TTC7B: variants seen among roughly 807,000 people sequenced by gnomAD.
TTC7B encodes tetratricopeptide repeat protein 7B.
Under a neutral mutation model 106.8 loss-of-function variants are expected in TTC7B, and 28 were observed. The observed-to-expected ratio is 0.26, with a 90% CI of 0.19 to 0.36. TTC7B has a LOEUF of 0.36. TTC7B is among the 10% of genes least tolerant of loss of function. TTC7B has a pLI of 1.00. For synonymous variants in TTC7B, 405 were observed against 430.6 expected, an observed-to-expected ratio of 0.94 and a Z score of 0.74; for missense variants, 862 against 1,076.4, an observed-to-expected ratio of 0.80 and a Z score of 2.79.
At chr14:90,582,271 C>T (rs1891528445) in intron 18 of TTC7B, among the ~76,000 whole-genome samples, 1 of 152,234 alleles carries the variant, frequency 6.6e-6, no homozygotes, top group Non-Finnish European at 1.5e-5. Flanking sequence ...AATTTGCAAG[C>T]CACAGTGTCA....
rs34296215 is a variant in TTC7B, at chr14:90,780,470, A to AAAAGAAAGAAAGAAAGAAAG, written c.445+248_445+267dup. Among the ~76,000 whole-genome samples the AAAAGAAAGAAAGAAAGAAAG allele has an allele frequency of 6.0e-3, 872 of 146,452 alleles. 17 individuals carry two copies. The highest frequency in any genetic ancestry group is 0.02 in the African/African-American group (774 of 38,018). ...AGGAAAGAAAAGAAAGAAAGAAAGA[A>AAAAGAAAGAAAGAAAGAAAG]AAAGAAAGAAAGAAAGAAAGGAAAG... On this transcript the variant is annotated intron_variant, in intron 3 of 19. Transcript: ENST00000328459.
intron 9 of TTC7B, among the ~76,000 whole-genome samples, chr14:90,674,369 TACA>T (rs1441935180): frequency 6.6e-6 from 1 of 152,244 alleles, no homozygotes; most frequent in African/African-American, 2.4e-5. Flanking sequence ...ATCTTTCTCC[TACA>T]ACATCGACCG....
At chr14:90,574,083 G>A (rs1891158862) in intron 19 of TTC7B, among the ~76,000 whole-genome samples, 1 of 152,178 alleles carries the variant, frequency 6.6e-6, no homozygotes, top group African/African-American at 2.4e-5. Context: ...GACTGTCCAG[G>A]GATGCTGGTT....
rs371267715 is a variant in TTC7B, at chr14:90,790,288, C to T, written c.122-3960G>A. ...CATTGAGCAAAATTCTTTTATATCA[C>T]TTTTAGAAAAAAAAAAAAGTAACTC... On this transcript the variant is annotated intron_variant, in intron 1 of 19. Coordinates refer to ENST00000328459, the MANE Select transcript of TTC7B (RefSeq NM_001010854.2). Among the ~76,000 whole-genome samples, 258 of 149,322 alleles carry T rather than the reference C, an allele frequency of 1.7e-3. 3 individuals are homozygous for T. Among genetic ancestry groups the T allele is most frequent in the African/African-American group, 5.6e-3 (228 of 40,618 alleles).
At chr14:90,591,290 G>A (rs1816134553) in intron 18 of TTC7B, among the ~76,000 whole-genome samples, 1 of 152,186 alleles carries the variant, frequency 6.6e-6, no homozygotes. Context: ...GCAGTAAGCT[G>A]AGATCACACC....
rs180870986 is a variant in TTC7B, at chr14:90,624,629, C to G, written c.1752-6584G>C. On this transcript the variant is annotated intron_variant, in intron 15 of 19. Transcript: ENST00000328459. This position sits in a 1 kb window ranked among gnomAD's most constrained non-coding sequence, Gnocchi z 4.0. ...AATTCTGAGCCGTCCGAAGAACTCT[C>G]GATGAAAATAAGTTAGAGAAGTTCA... 6.6e-6 allele frequency among the ~76,000 whole-genome samples: 1 copy of G among 152,234 alleles called. No individual in the cohort carries two copies. The highest frequency in any genetic ancestry group is 2.4e-5 in the African/African-American group (1 of 41,540).
chr14:90,789,902 A>AGGTCAG, intron 1 of TTC7B, among the ~76,000 whole-genome samples: 1 of 142,082 alleles, frequency 7.0e-6, no homozygotes, highest in South Asian at 2.2e-4. Flanking sequence ...TCTCAAAAAA[A>AGGTCAG]AAAAAAAAAA....
At chr14:90,542,178 A>T (rs1889627698) in intron 19 of TTC7B, among the ~76,000 whole-genome samples, 2 of 152,042 alleles carry the variant, frequency 1.3e-5, no homozygotes, top group South Asian at 4.1e-4. Context: ...TGACCTCGTG[A>T]TCTGCCCACC....
At chr14:90,706,381 T>C (rs1219472190) in intron 5 of TTC7B, among the ~76,000 whole-genome samples, 2 of 152,100 alleles carry the variant, frequency 1.3e-5, no homozygotes, top group East Asian at 3.9e-4. Context: ...ACCAGGATGG[T>C]CTCGATCTCC....
In TTC7B at chr14:90,607,624, C is replaced by T. The variant is rs554776697; in HGVS notation, c.1966+3118G>A. ...CAAAGTCAGCCAGGCTCTTTTAGCA[C>T]ATGAACTGAAAACTGTTCAAAGGCA... On this transcript the variant is annotated intron_variant, in intron 17 of 19. Transcript: ENST00000328459. Among the ~76,000 whole-genome samples, 3 of 152,306 alleles carry T rather than the reference C, an allele frequency of 2.0e-5. No individual in the cohort carries two copies. The South Asian group carries it at 6.2e-4, about 32-fold the overall frequency.
At chr14:90,669,702 A>G (rs193088345) in intron 9 of TTC7B, among the ~76,000 whole-genome samples, 8 of 152,334 alleles carry the variant, frequency 5.3e-5, no homozygotes, top group African/African-American at 1.7e-4. Flanking sequence ...GTTATCAGGG[A>G]AAAGAAAATC....
At chr14:90,698,859 G>A (rs1887870500) in intron 5 of TTC7B, 1 of 275,970 alleles carries the variant, frequency 3.6e-6, no homozygotes, top group Admixed American at 5.1e-5. Flanking sequence ...GAGTCCCACA[G>A]CCTTGCTCTC....
intron 3 of TTC7B, chr14:90,766,607 C>T (rs1402812614): frequency 5.4e-6 from 5 of 920,906 alleles, no homozygotes; most frequent in Non-Finnish European, 7.2e-6. Context: ...CAGTGGAAAA[C>T]AGCCTTTACC....
intron 3 of TTC7B, among the ~76,000 whole-genome samples, chr14:90,751,211 A>C (rs766754291): frequency 9.9e-5 from 15 of 152,236 alleles, no homozygotes; most frequent in Non-Finnish European, 1.8e-4. Context: ...AAAGGGTGGA[A>C]ATTCAGTGCT....
At chr14:90,812,544 C>T (rs1158569453) in intron 1 of TTC7B, among the ~76,000 whole-genome samples, 1 of 152,146 alleles carries the variant, frequency 6.6e-6, no homozygotes. Context: ...GCATTTCTCA[C>T]AGGTTCCCGG....
At chr14:90,666,320 C>A (rs1886408844) in intron 9 of TTC7B, among the ~76,000 whole-genome samples, 1 of 152,166 alleles carries the variant, frequency 6.6e-6, no homozygotes, top group African/African-American at 2.4e-5. Context: ...CGCCACCACG[C>A]CTGGCTAATT....
At position 90,525,787 on chromosome 14, in the gene TTC7B, T is replaced by G. The variant is rs1393614684; in HGVS notation, c.*15581A>C. On this transcript the variant is annotated 3_prime_UTR_variant, in exon 20 of 20. Transcript: ENST00000328459. ...CGACAAAGGCCCTCTCTAACCCGAG[T>G]ACACCGGCCTCTGGCTTTGTGACAA... is the stretch of plus-strand genomic sequence containing the variant. 2 of 147,014 alleles carry G rather than the reference T, an allele frequency of 1.4e-5. No homozygotes were observed. Among genetic ancestry groups the G allele is most frequent in the Admixed American group, 6.8e-5 (1 of 14,774 alleles). 9.1% of individuals were successfully genotyped at this position (147,014 alleles called of 1,614,324 possible). A position where few individuals can be genotyped will look rare whatever the true frequency, so the allele number is the denominator to read the frequency against.
At chr14:90,619,105 T>G (rs970881335) in intron 15 of TTC7B, among the ~76,000 whole-genome samples, 125 of 152,220 alleles carry the variant, frequency 8.2e-4, no homozygotes, top group African/African-American at 2.9e-3. Flanking sequence ...GGTTTCACCA[T>G]GTTGGCTAGA....
intron 15 of TTC7B, among the ~76,000 whole-genome samples, chr14:90,619,250 G>A (rs769127548): frequency 6.6e-6 from 1 of 152,182 alleles, no homozygotes; most frequent in Non-Finnish European, 1.5e-5. Context: ...TATACTGTCT[G>A]TAATAATAAG....
Sources: allele counts gnomAD v4.1 joint callset (sites outside exome capture counted in the v4.1 genomes callset), GRCh38; gene constraint gnomAD v4.1.1; non-coding constraint Gnocchi (gnomAD v3.1); transcripts MANE v1.5; gene names NCBI Gene and HGNC (gene_info 2026-07-23, HGNC 2026-07-21).